ANKRD26: variants seen among roughly 807,000 people sequenced by gnomAD.
ANKRD26 encodes ankyrin repeat domain 26.
Under a neutral mutation model 208.7 loss-of-function variants are expected in ANKRD26, and 141 were observed. That is an observed-to-expected ratio of 0.68 (90% CI 0.59 to 0.78). The LOEUF (loss-of-function observed/expected upper bound fraction) is 0.78, where lower values mean the gene tolerates loss of function less well. ANKRD26 is among the 30% of genes least tolerant of loss of function. ANKRD26 has a pLI of 0.00. For missense variants in ANKRD26, 1,889 were observed against 1,938.7 expected, an observed-to-expected ratio of 0.97 and a Z score of 0.48; for synonymous variants, 636 against 660.4, an observed-to-expected ratio of 0.96 and a Z score of 0.57.
rs760490413 is a variant in ANKRD26 at position 27,100,066 on chromosome 10, G to C, written c.242+19C>G. 1 of 1,613,426 alleles carries C rather than the reference G, an allele frequency of 6.2e-7. No individual in the cohort carries two copies. Among genetic ancestry groups the C allele is most frequent in the Admixed American group, 1.7e-5 (1 of 60,024 alleles). ...GCCTACTCCAGTGGCACTCAGTCCG[G>C]GCTTGCGACGCCTATTACCTGTTCA... On this transcript the variant is annotated intron_variant, in intron 1 of 33. Coordinates refer to ENST00000376087, the MANE Select transcript of ANKRD26 (RefSeq NM_014915.3).
chr10:27,019,818 T>C (rs907166601), intron 29 of ANKRD26, among the ~76,000 whole-genome samples: 1 of 152,232 alleles, frequency 6.6e-6, no homozygotes, highest in Non-Finnish European at 1.5e-5. Flanking sequence ...TTTCTGCTTA[T>C]TGCTTCCTAA....
intron 16 of ANKRD26, among the ~76,000 whole-genome samples, chr10:27,050,558 T>C (rs79001705): frequency 0.016 from 2,498 of 152,272 alleles, 157 homozygotes; most frequent in East Asian, 0.16. Flanking sequence ...ACAGATAAGC[T>C]TTACACACAC....
intron 20 of ANKRD26, among the ~76,000 whole-genome samples, chr10:27,042,051 A>C (rs1000650507): frequency 6.6e-6 from 1 of 152,052 alleles, no homozygotes. Flanking sequence ...GTCATAGCTT[A>C]TAAGTCAAAA....
chr10:27,061,301 T>G (rs2055046704), intron 12 of ANKRD26, 59 bp from the exon 13 acceptor site: 6 of 1,146,986 alleles, frequency 5.2e-6, no homozygotes, highest in Non-Finnish European at 6.4e-6. Flanking sequence ...AGGAAAAAAT[T>G]TAATTGCCAC....
rs547193912 is a variant in ANKRD26 at position 26,973,876 on chromosome 10, C to T, written c.*2448G>A. On this transcript the variant is annotated 3_prime_UTR_variant and NMD_transcript_variant, in exon 6 of 6. Coordinates refer to the ANKRD26 transcript ENST00000674670. ...TTCGCCATGTTGGCCAGGCTGGTCT[C>T]GAACTCTTGACCTCAGGTGATCCAC... Among the ~76,000 whole-genome samples, 18 of 151,728 alleles carry T rather than the reference C, an allele frequency of 1.2e-4. No homozygotes were observed. The South Asian group carries it at 3.3e-3, about 28-fold the overall frequency.
exon 6 of ANKRD26, among the ~76,000 whole-genome samples, chr10:26,975,112 A>G (rs1249940658): frequency 6.6e-6 from 1 of 152,242 alleles, no homozygotes; most frequent in Non-Finnish European, 1.5e-5. Context: ...GTTTTAACTA[A>G]AAGTGTATGT....
downstream of ANKRD26, among the ~76,000 whole-genome samples, chr10:26,991,370 C>T (rs756238925): frequency 1.3e-5 from 2 of 151,964 alleles, no homozygotes; most frequent in Non-Finnish European, 2.9e-5. Context: ...CAGGTCTATG[C>T]TTTTCTCCAA....
chr10:27,041,407 G>T (rs1035946468), intron 20 of ANKRD26, among the ~76,000 whole-genome samples: 1 of 152,112 alleles, frequency 6.6e-6, no homozygotes, highest in Non-Finnish European at 1.5e-5. Flanking sequence ...CAGGAAGAGT[G>T]TTCATTCCCA....
exon 6 of ANKRD26, among the ~76,000 whole-genome samples, chr10:26,975,626 G>A (rs2052215230): frequency 6.6e-6 from 1 of 151,864 alleles, no homozygotes; most frequent in Non-Finnish European, 1.5e-5. Context: ...TGGATCACCT[G>A]AGGTCAGGAG....
At chr10:27,093,055 C>T (rs953491574) in intron 3 of ANKRD26, among the ~76,000 whole-genome samples, 2 of 151,192 alleles carry the variant, frequency 1.3e-5, no homozygotes, top group Non-Finnish European at 2.9e-5. Flanking sequence ...CGCCTCTGCA[C>T]TTTAGACTGG....
At chr10:27,075,924 A>G (rs2055683635) in intron 9 of ANKRD26, among the ~76,000 whole-genome samples, 1 of 152,254 alleles carries the variant, frequency 6.6e-6, no homozygotes, top group Admixed American at 6.5e-5. Context: ...AGCAGAATAC[A>G]TAGAAATCAA....
At chr10:27,039,226 G>C (rs941975239) in intron 21 of ANKRD26, among the ~76,000 whole-genome samples, 3 of 152,000 alleles carry the variant, frequency 2.0e-5, no homozygotes. Context: ...GGCCAAGGCG[G>C]GAGGATCACA....
intron 30 of ANKRD26, among the ~76,000 whole-genome samples, chr10:27,016,455 T>C (rs1366158414): frequency 6.6e-6 from 1 of 152,284 alleles, no homozygotes; most frequent in Non-Finnish European, 1.5e-5. Context: ...TTTTTAAATT[T>C]TTTAGTAGAT....
At chr10:27,061,923 TTACCC>T (rs924821907) in intron 12 of ANKRD26, 2 of 982,708 alleles carry the variant, frequency 2.0e-6, no homozygotes, top group African/African-American at 3.5e-5. Flanking sequence ...TCACTGTAGT[TTACCC>T]CAATTCTAGC....
intron 11 of ANKRD26, 43 bp downstream of exon 11, chr10:27,066,417 GCATCTCTTTATGTTTTAACATCACTCA>G: frequency 8.0e-7 from 1 of 1,246,590 alleles, no homozygotes; most frequent in Non-Finnish European, 1.1e-6. Context: ...TCAAGTCAAA[GCATCTCTTTATGTTTTAACATCACTCA>G]ATGCTTATAT....
intron 6 of ANKRD26, chr10:27,080,741 CCA>C: frequency 1.0e-6 from 1 of 985,434 alleles, no homozygotes. Flanking sequence ...TCTCAAATGC[CCA>C]AGAGTAGAAG....
intron 16 of ANKRD26, among the ~76,000 whole-genome samples, chr10:27,052,858 T>C (rs970845776): frequency 6.6e-6 from 1 of 152,122 alleles, no homozygotes. Context: ...AGAATAAATC[T>C]TTAACCTTGG....
At chr10:26,965,398 A>G in the ANKRD26 span, among the ~76,000 whole-genome samples, 2 of 152,252 alleles carry the variant, frequency 1.3e-5, no homozygotes, top group African/African-American at 2.4e-5. Context: ...TCCATATTTA[A>G]TAAATGGTGC....
chr10:27,033,418 T>C, intron 24 of ANKRD26, 41 bp from the exon 25 acceptor site: 1 of 1,571,070 alleles, frequency 6.4e-7, no homozygotes, highest in Non-Finnish European at 8.7e-7. Context: ...AATCACCTTA[T>C]TATTAAGTTA....
Sources: allele counts gnomAD v4.1 joint callset (sites outside exome capture counted in the v4.1 genomes callset), GRCh38; gene constraint gnomAD v4.1.1; transcripts MANE v1.5; gene names NCBI Gene and HGNC (gene_info 2026-07-23, HGNC 2026-07-21).